The following IQCH variants were observed in gnomAD, a reference collection of about 807,000 sequenced individuals.
IQCH encodes the protein IQ motif containing H.
In IQCH, 98 loss-of-function variants were observed where a neutral mutation model predicts 117.0. The ratio of observed to expected loss-of-function variants is 0.84; its 90% confidence interval spans 0.71 to 0.99. IQCH has a LOEUF of 0.99. Ranked by LOEUF, IQCH falls within the 50% of genes least tolerant of loss-of-function variation. IQCH has a pLI of 0.00. For synonymous variants in IQCH, 412 were observed against 448.2 expected (o/e 0.92, Z 1.02); for missense variants, 1,102 against 1,243.8 (o/e 0.89, Z 1.72).
At chr15:67,357,305 T>C (rs1347402670) in intron 6 of IQCH, 40 bp from the exon 7 acceptor site, 1 of 1,398,668 alleles carries the variant, frequency 7.1e-7, no homozygotes, top group South Asian at 1.2e-5. Flanking sequence ...ACTCAGCCTC[T>C]TCTTCTGGAA....
At chr15:67,362,981 C>T (rs1970198893) in intron 8 of IQCH, among the ~76,000 whole-genome samples, 1 of 152,222 alleles carries the variant, frequency 6.6e-6, no homozygotes, top group South Asian at 2.1e-4. Flanking sequence ...AATTTAGTCT[C>T]CTTTCTTGTC....
In IQCH at chr15:67,479,076, C is replaced by T. The variant is rs2083281394; in HGVS notation, c.2799+3258C>T. On this transcript the variant is annotated intron_variant, in intron 18 of 20. Transcript: ENST00000335894. The surrounding 1 kb of genome is among the most constrained non-coding windows in gnomAD (Gnocchi z 4.6). ...TTTCATCTTTTCAGACCCTGGTGTC[C>T]ATCCCTGGTCAGGACTCTTCACTTG... Among the ~76,000 whole-genome samples, 1 of 152,158 alleles carries T rather than the reference C, an allele frequency of 6.6e-6. No homozygotes were observed. The highest frequency in any genetic ancestry group is 2.1e-4 in the South Asian group (1 of 4,830).
chr15:67,317,821 C>A (rs1967921555), intron 4 of IQCH, among the ~76,000 whole-genome samples: 1 of 151,982 alleles, frequency 6.6e-6, no homozygotes, highest in South Asian at 2.1e-4. Context: ...CAGGGAGGGT[C>A]TGTCTAGTTT....
intron 4 of IQCH, among the ~76,000 whole-genome samples, chr15:67,307,511 G>A (rs1230172802): frequency 6.6e-6 from 1 of 150,754 alleles, no homozygotes; most frequent in Non-Finnish European, 1.5e-5. Flanking sequence ...GGGTGGGGGT[G>A]GGGGTAGGGA....
At chr15:67,392,604 C>T (rs1481604398) in intron 12 of IQCH, among the ~76,000 whole-genome samples, 2 of 151,976 alleles carry the variant, frequency 1.3e-5, no homozygotes, top group East Asian at 1.9e-4. Context: ...TGACAGAACT[C>T]GGTCTCTACA....
At chr15:67,299,297 AG>A (rs988220402) in intron 4 of IQCH, among the ~76,000 whole-genome samples, 1 of 151,980 alleles carries the variant, frequency 6.6e-6, no homozygotes, top group South Asian at 2.1e-4. Context: ...CTTGGGGAGA[AG>A]GGGGGATAGT....
chr15:67,398,729 T>A (rs1188630985), intron 13 of IQCH, among the ~76,000 whole-genome samples: 9 of 142,422 alleles, frequency 6.3e-5, no homozygotes, highest in African/African-American at 2.1e-4. Flanking sequence ...ACTCTTTAGT[T>A]AAAAAAAAAA....
intron 10 of IQCH, among the ~76,000 whole-genome samples, chr15:67,374,997 C>G (rs993781897): frequency 6.6e-6 from 1 of 152,192 alleles, no homozygotes; most frequent in African/African-American, 2.4e-5. Flanking sequence ...CTTCTTTACT[C>G]CTATACTCCC....
At chr15:67,295,426 A>G (rs1966846492) in intron 4 of IQCH, among the ~76,000 whole-genome samples, 1 of 152,224 alleles carries the variant, frequency 6.6e-6, no homozygotes, top group African/African-American at 2.4e-5. Context: ...CTAAAAACAT[A>G]GAACTGGCTT....
chr15:67,494,145 T>C lies in IQCH; in HGVS notation c.2862-113T>C, dbSNP rs573780083. 66 of 643,408 alleles carry C rather than the reference T, an allele frequency of 1.0e-4. No individual in the cohort carries two copies. Among genetic ancestry groups the C allele is most frequent in the African/African-American group, 5.4e-4 (29 of 53,940 alleles). The allele number at this position is 643,408 out of a possible 1,614,324, so 39.9% of individuals were successfully genotyped here. A position where few individuals can be genotyped will look rare whatever the true frequency, so the allele number is the denominator to read the frequency against. On this transcript the variant is annotated intron_variant, in intron 19 of 20. Transcript: ENST00000335894. This position sits in a 1 kb window ranked among gnomAD's most constrained non-coding sequence, Gnocchi z 5.5. ...CCCTGAAGATTGCCACCTTGTGAGA[T>C]TGAAAATACTCATTAAATTCCATCA...
At position 67,443,913 on chromosome 15, in the gene IQCH, A is replaced by C. The variant is rs2082336456; in HGVS notation, c.2506-21214A>C. Among the ~76,000 whole-genome samples the C allele has an allele frequency of 6.6e-6, 1 of 152,240 alleles. No individual in the cohort carries two copies. The highest frequency in any genetic ancestry group is 6.5e-5 in the Admixed American group (1 of 15,282). Reference sequence around the variant, plus strand: ...AAGTATTATTATCCCTAATTTACAAATGAGGAAACTGAGGCTGGAGTGACA... The same window carrying C: ...AAGTATTATTATCCCTAATTTACAACTGAGGAAACTGAGGCTGGAGTGACA... On this transcript the variant is annotated intron_variant, in intron 16 of 20. Transcript: ENST00000335894. The surrounding 1 kb of genome is among the most constrained non-coding windows in gnomAD (Gnocchi z 5.0).
At position 67,413,961 on chromosome 15, in the gene IQCH, C is replaced by T. The variant is rs1338504699; in HGVS notation, c.2098-2970C>T. ...AGAAGCCTGGCACAGTGTCCAGATG[C>T]CACACACAAGCAGCAGGCTGATGAG... On this transcript the variant is annotated intron_variant, in intron 14 of 20. Coordinates refer to ENST00000335894, the MANE Select transcript of IQCH (RefSeq NM_001031715.3). The surrounding 1 kb of genome is among the most constrained non-coding windows in gnomAD (Gnocchi z 5.0). 6.6e-6 allele frequency among the ~76,000 whole-genome samples: 1 copy of T among 152,214 alleles called. No individual in the cohort carries two copies. Among genetic ancestry groups the T allele is most frequent in the Non-Finnish European group, 1.5e-5 (1 of 68,022 alleles).
At chr15:67,282,250 C>T (rs1265292376) in intron 4 of IQCH, 3 of 151,912 alleles carry the variant, frequency 2.0e-5, no homozygotes, top group African/African-American at 7.3e-5. Flanking sequence ...TAGTTGGTCC[C>T]CCAGACCAGA....
intron 18 of IQCH, among the ~76,000 whole-genome samples, chr15:67,487,668 G>A (rs980857585): frequency 6.6e-6 from 1 of 152,000 alleles, no homozygotes; most frequent in Non-Finnish European, 1.5e-5. Context: ...TCTGGAAGTA[G>A]AGCCCAGGTA....
At chr15:67,285,299 G>GTT (rs35324987) in intron 4 of IQCH, among the ~76,000 whole-genome samples, 8 of 149,718 alleles carry the variant, frequency 5.3e-5, no homozygotes, top group African/African-American at 2.0e-4. Context: ...ACTTTTTAAT[G>GTT]TTTTTTTTTT....
chr15:67,294,772 A>G (rs1195705032), intron 4 of IQCH, among the ~76,000 whole-genome samples: 1 of 152,212 alleles, frequency 6.6e-6, no homozygotes, highest in African/African-American at 2.4e-5. Context: ...AATAGACCCC[A>G]GTAGGGTTTT....
chr15:67,413,399 G>A lies in IQCH; in HGVS notation c.2098-3532G>A, dbSNP rs1017770469. ...TCTGGCCTAACCCACCAGTTCACAAGCAGCTTCTGAGTACCAGCAGAAACC... is the reference window on the plus strand; with the variant it reads ...TCTGGCCTAACCCACCAGTTCACAAACAGCTTCTGAGTACCAGCAGAAACC... On this transcript the variant is annotated intron_variant, in intron 14 of 20. Coordinates refer to ENST00000335894, the MANE Select transcript of IQCH (RefSeq NM_001031715.3). The surrounding 1 kb of genome is among the most constrained non-coding windows in gnomAD (Gnocchi z 5.0). 5.9e-5 allele frequency: 9 copies of A among 152,158 alleles called. No homozygotes were observed. The highest frequency in any genetic ancestry group is 2.1e-4 in the South Asian group (1 of 4,826). The allele number at this position is 152,158 out of a possible 1,614,324, so 9.4% of individuals were successfully genotyped here. A position where few individuals can be genotyped will look rare whatever the true frequency, so the allele number is the denominator to read the frequency against.
rs186860753 is a variant in IQCH, at chr15:67,285,716, C to T, written c.387+6204C>T. Among the ~76,000 whole-genome samples, 35 of 152,238 alleles carry T rather than the reference C, an allele frequency of 2.3e-4. No homozygotes were observed. The East Asian group carries it at 3.9e-3, about 17-fold the overall frequency. On this transcript the variant is annotated intron_variant, in intron 4 of 20. Transcript: ENST00000335894. ...TCATTTATTGAATAGGGAATCCTTT[C>T]CCTGTTGCCTTTTTTTGTCAGGTTT... is the stretch of plus-strand genomic sequence containing the variant.
At chr15:67,285,108 C>T (rs752122506) in intron 4 of IQCH, among the ~76,000 whole-genome samples, 1 of 152,150 alleles carries the variant, frequency 6.6e-6, no homozygotes, top group Non-Finnish European at 1.5e-5. Flanking sequence ...TCTGCAACCT[C>T]GCCAGCATCT....
Sources: allele counts gnomAD v4.1 joint callset (sites outside exome capture counted in the v4.1 genomes callset), GRCh38; gene constraint gnomAD v4.1.1; non-coding constraint Gnocchi (gnomAD v3.1); transcripts MANE v1.5; gene names NCBI Gene and HGNC (gene_info 2026-07-23, HGNC 2026-07-21).